NDUFAF4: variants seen among roughly 807,000 people sequenced by gnomAD.
The protein encoded by NDUFAF4 is NADH:ubiquinone oxidoreductase complex assembly factor 4.
A neutral mutation model predicts 15.6 loss-of-function variants in NDUFAF4; 10 were observed. That is an observed-to-expected ratio of 0.64 (90% CI 0.40 to 1.09). The LOEUF (loss-of-function observed/expected upper bound fraction) is 1.09. NDUFAF4 is among the 50% of genes least tolerant of loss of function. The pLI is 0.01. For synonymous variants in NDUFAF4, 77 were observed against 73.3 expected, an observed-to-expected ratio of 1.05 and a Z score of -0.26; for missense variants, 203 against 207.3, an observed-to-expected ratio of 0.98 and a Z score of 0.13.
chr6:96,894,672 G>A (rs180735751), intron 2 of NDUFAF4, among the ~76,000 whole-genome samples: 65 of 142,958 alleles, frequency 4.5e-4, no homozygotes, highest in African/African-American at 1.5e-3. Context: ...TGCTGATTAG[G>A]GAAGACTACT....
rs1236272328 is a variant in NDUFAF4, at chr6:96,890,035, A to T, written c.*1069T>A. 1 of 152,146 alleles carries T rather than the reference A, an allele frequency of 6.6e-6. No individual in the cohort carries two copies. Among genetic ancestry groups the T allele is most frequent in the East Asian group, 1.9e-4 (1 of 5,190 alleles). The allele number at this position is 152,146 out of a possible 1,614,324, so 9.4% of individuals were successfully genotyped here. ...TATGCTTATTTTATAGAAGAAACTCAATCTCCAAGAAGATATAGTCTCCCA... is the reference window on the plus strand; with the variant it reads ...TATGCTTATTTTATAGAAGAAACTCTATCTCCAAGAAGATATAGTCTCCCA... On this transcript the variant is annotated 3_prime_UTR_variant, in exon 3 of 3. Coordinates refer to ENST00000316149, the MANE Select transcript of NDUFAF4 (RefSeq NM_014165.4).
Position 96,897,807 on chromosome 6 carries a change from C to G in NDUFAF4, c.-6G>C, listed in dbSNP as rs1234830341. 1 of 1,614,142 alleles carries G rather than the reference C, an allele frequency of 6.2e-7. No individual in the cohort carries two copies. ...CGAATCACTAGTGCTCCCATCTCCT[C>G]ATAACATTATGCGCTCAGGTTCAGG... On this transcript the variant is annotated 5_prime_UTR_variant, in exon 1 of 3. An upstream start codon of the reference 5' UTR is lost. Coordinates refer to ENST00000316149, the MANE Select transcript of NDUFAF4 (RefSeq NM_014165.4).
Position 96,891,115 on chromosome 6 carries a change from G to A in NDUFAF4, c.517C>T (p.Arg173Ter), listed in dbSNP as rs201348742. The change falls in exon 3 of 3, where the codon CGA becomes TGA. Residue 173 changes from arginine to a stop codon, truncating the protein, a stop_gained. Coordinates refer to ENST00000316149, the MANE Select transcript of NDUFAF4 (RefSeq NM_014165.4). LOFTEE classifies it high-confidence loss of function. ...TTCTGTGATTTTCTTCATTTTGATCGTATTGCTTTCTTGTCTTCAGGAGGG... is the reference window on the plus strand; with the variant it reads ...TTCTGTGATTTTCTTCATTTTGATCATATTGCTTTCTTGTCTTCAGGAGGG... ...IFPPEDKKAI[R>*]SK The A allele has an allele frequency of 6.3e-5, 102 of 1,612,294 alleles. No homozygotes were observed. The highest frequency in any genetic ancestry group is 7.7e-5 in the Non-Finnish European group (91 of 1,179,298).
rs10499008 is a variant in NDUFAF4 at position 96,890,772 on chromosome 6, T to A, written c.*332A>T. The A allele has an allele frequency of 0.28, 67,508 of 240,526 alleles. 9,561 individuals carry two copies. Among genetic ancestry groups the A allele is most frequent in the South Asian group, 0.31 (5,414 of 17,702 alleles). The allele number at this position is 240,526 out of a possible 1,614,324, so 14.9% of individuals were successfully genotyped here. On this transcript the variant is annotated 3_prime_UTR_variant, in exon 3 of 3. Coordinates refer to ENST00000316149, the MANE Select transcript of NDUFAF4 (RefSeq NM_014165.4). ...TGGAAAGTAAAACTCAGTTGAGGGA[T>A]TCAGGACATTTCCCAAGGGGTAATA...
intron 2 of NDUFAF4, 95 bp downstream of exon 2, chr6:96,896,649 C>T: frequency 9.9e-7 from 1 of 1,007,744 alleles, no homozygotes. Flanking sequence ...CACACACTTG[C>T]AGAGCACTCT....
intron 2 of NDUFAF4, among the ~76,000 whole-genome samples, chr6:96,892,815 T>C (rs972253779): frequency 6.6e-6 from 1 of 151,986 alleles, no homozygotes; most frequent in East Asian, 1.9e-4. Context: ...CCAGGCCTTC[T>C]TCTCACTCTA....
Position 96,891,222 on chromosome 6 carries a change from T to G in NDUFAF4, c.410A>C (p.Lys137Thr), listed in dbSNP as rs1338808510. The stretch of plus-strand genomic sequence containing the variant: ...TTCTAACTGGTATTCCTGCATTATT[T>G]TCTCAGCAGTCCAGGTTTCTGGGAA... ...KLFPETWTAE[K>T]IMQEYQLEQK... Residue 137 changes from lysine to threonine, a missense_variant, in exon 3 of 3, where the codon AAA becomes ACA. Coordinates refer to ENST00000316149, the MANE Select transcript of NDUFAF4 (RefSeq NM_014165.4). The G allele has an allele frequency of 6.2e-7, 1 of 1,613,658 alleles. No homozygotes were observed. The highest frequency in any genetic ancestry group is 1.1e-5 in the South Asian group (1 of 91,074).
chr6:96,897,587 T>C, intron 1 of NDUFAF4, 79 bp downstream of exon 1: 1 of 1,593,496 alleles, frequency 6.3e-7, no homozygotes, highest in Non-Finnish European at 8.5e-7. Context: ...TCCCTCGGCC[T>C]CCGGACCCAC....
rs759316682 is a variant in NDUFAF4, at chr6:96,896,818, G to A, written c.166C>T (p.Arg56Cys). The A allele has an allele frequency of 7.4e-6, 12 of 1,613,554 alleles. No individual in the cohort carries two copies. The highest frequency in any genetic ancestry group is 3.3e-5 in the Admixed American group (2 of 60,004). The change falls in exon 2 of 3, where the codon CGT becomes TGT. Residue 56 changes from arginine to cysteine, a missense_variant. Coordinates refer to ENST00000316149, the MANE Select transcript of NDUFAF4 (RefSeq NM_014165.4). ...LYPEVKGEIA[R>C]KDEKLLSFLK... Reference sequence around the variant, plus strand: ...AACGACAGCAGCTTTTCATCTTTACGAGCAATCTCTCCTTTAACTTCTGGA... The same window carrying A: ...AACGACAGCAGCTTTTCATCTTTACAAGCAATCTCTCCTTTAACTTCTGGA...
At chr6:96,897,477 C>G (rs1231776933) in intron 1 of NDUFAF4, among the ~76,000 whole-genome samples, 189 bp downstream of exon 1, 1 of 152,206 alleles carries the variant, frequency 6.6e-6, no homozygotes, top group Admixed American at 6.5e-5. Flanking sequence ...GCCGACCTCA[C>G]CGCGGGCGCG....
Position 96,897,717 on chromosome 6 carries a change from C to A in NDUFAF4, c.85G>T (p.Val29Phe), listed in dbSNP as rs1049846948. The change falls in exon 1 of 3, where the codon GTC becomes TTC. Residue 29 changes from valine to phenylalanine, a missense_variant. By Grantham distance (50) the Val-to-Phe change is conservative. Transcript: ENST00000316149. ...EREISKMKPS[V>F]APRHPSTNSL... ...TTGGTAGAGGGGTGTCTGGGAGCGACAGAGGGCTTCATCTTGCTGATTTCC... is the reference window on the plus strand; with the variant it reads ...TTGGTAGAGGGGTGTCTGGGAGCGAAAGAGGGCTTCATCTTGCTGATTTCC... The A allele has an allele frequency of 6.2e-6, 10 of 1,614,070 alleles. No homozygotes were observed. In the African/African-American group the frequency reaches 8.0e-5, roughly 13 times the overall value.
rs1775305876 is a variant in NDUFAF4 at position 96,890,861 on chromosome 6, G to C, written c.*243C>G. On this transcript the variant is annotated 3_prime_UTR_variant, in exon 3 of 3. Transcript: ENST00000316149. ...AAATTAACTCTTTCACCATAATAAA[G>C]GTACAGATGTGCTCAGTCATGCTGA... The C allele has an allele frequency of 2.4e-6, 1 of 409,298 alleles. No individual in the cohort carries two copies. 25.4% of individuals were successfully genotyped at this position (409,298 alleles called of 1,614,324 possible).
In NDUFAF4 at chr6:96,890,662, C is replaced by T. The variant is rs1775303481; in HGVS notation, c.*442G>A. The T allele has an allele frequency of 6.3e-6, 1 of 159,560 alleles. No homozygotes were observed. The highest frequency in any genetic ancestry group is 1.4e-5 in the Non-Finnish European group (1 of 73,024). 9.9% of individuals were successfully genotyped at this position (159,560 alleles called of 1,614,324 possible). ...GTCTACCCTGCTATCGAGTCTCTTT[C>T]CCTAACGAGAAAATGTCAGTCTTAA... On this transcript the variant is annotated 3_prime_UTR_variant, in exon 3 of 3. Transcript: ENST00000316149.
chr6:96,897,841 G>GGGAACACCGGCGCAGGACAACTCC lies in NDUFAF4; in HGVS notation c.-64_-41dup. 1.9e-6 allele frequency: 3 copies of GGGAACACCGGCGCAGGACAACTCC among 1,613,472 alleles called. No homozygotes were observed. The highest frequency in any genetic ancestry group is 2.5e-6 in the Non-Finnish European group (3 of 1,179,714). On this transcript the variant is annotated 5_prime_UTR_variant, in exon 1 of 3. Coordinates refer to ENST00000316149, the MANE Select transcript of NDUFAF4 (RefSeq NM_014165.4). ...ATGCGCTCAGGTTCAGGCCGCACGT[G>GGGAACACCGGCGCAGGACAACTCC]GGAACACCGGCGCAGGACAACTCCG...
rs1461835398 is a variant in NDUFAF4, at chr6:96,889,478, A to G, written c.*1626T>C. The G allele has an allele frequency of 1.3e-5, 2 of 152,150 alleles. No homozygotes were observed. The highest frequency in any genetic ancestry group is 4.8e-5 in the African/African-American group (2 of 41,374). 9.4% of individuals were successfully genotyped at this position (152,150 alleles called of 1,614,324 possible). Reference sequence around the variant, plus strand: ...AAAAGAATAAAGTTTTGACTTATTTACAGTTTTAAAATGCATTTTATATTG... The same window carrying G: ...AAAAGAATAAAGTTTTGACTTATTTGCAGTTTTAAAATGCATTTTATATTG... On this transcript the variant is annotated 3_prime_UTR_variant, in exon 3 of 3. Coordinates refer to ENST00000316149, the MANE Select transcript of NDUFAF4 (RefSeq NM_014165.4).
chr6:96,895,340 C>A (rs1394758034), intron 2 of NDUFAF4, among the ~76,000 whole-genome samples: 1 of 151,850 alleles, frequency 6.6e-6, no homozygotes, highest in African/African-American at 2.4e-5. Context: ...AAAAGTCAGA[C>A]AACAAATAAA....
Position 96,896,818 on chromosome 6 carries a change from G to C in NDUFAF4, c.166C>G (p.Arg56Gly). ...AACGACAGCAGCTTTTCATCTTTAC[G>C]AGCAATCTCTCCTTTAACTTCTGGA... ...LYPEVKGEIARKDEKLLSFLK... is the reference protein window; with the variant it reads ...LYPEVKGEIAGKDEKLLSFLK... Residue 56 changes from arginine to glycine, a missense_variant, in exon 2 of 3, where the codon CGT becomes GGT. Arg to Gly is a moderately radical substitution (Grantham distance 125). Transcript: ENST00000316149. 33 of 1,613,672 alleles carry C rather than the reference G, an allele frequency of 2.0e-5. No individual in the cohort carries two copies. The highest frequency in any genetic ancestry group is 2.6e-5 in the Non-Finnish European group (31 of 1,179,790).
Position 96,897,846 on chromosome 6 carries a change from C to T in NDUFAF4, c.-45G>A. 3 of 1,613,308 alleles carry T rather than the reference C, an allele frequency of 1.9e-6. No homozygotes were observed. Among genetic ancestry groups the T allele is most frequent in the East Asian group, 4.5e-5 (2 of 44,834 alleles). On this transcript the variant is annotated 5_prime_UTR_variant, in exon 1 of 3. Coordinates refer to ENST00000316149, the MANE Select transcript of NDUFAF4 (RefSeq NM_014165.4). ...CTCAGGTTCAGGCCGCACGTGGGAA[C>T]ACCGGCGCAGGACAACTCCGGGACA...
chr6:96,895,178 G>A (rs551018611), intron 2 of NDUFAF4, among the ~76,000 whole-genome samples: 5 of 152,212 alleles, frequency 3.3e-5, no homozygotes, highest in Admixed American at 3.3e-4. Flanking sequence ...CACATTTAAT[G>A]CCAGATAAAG....
Sources: allele counts gnomAD v4.1 joint callset (sites outside exome capture counted in the v4.1 genomes callset), GRCh38; gene constraint gnomAD v4.1.1; transcripts MANE v1.5; gene names NCBI Gene and HGNC (gene_info 2026-07-23, HGNC 2026-07-21).